HDAC9: variants seen among roughly 807,000 people sequenced by gnomAD.
The protein encoded by HDAC9 is MEF-2 interacting transcription repressor (MITR) protein.
Under a neutral mutation model 139.4 loss-of-function variants are expected in HDAC9, and 41 were observed. That is an observed-to-expected ratio of 0.29 (90% CI 0.23 to 0.38). The LOEUF is 0.38. Ranked by LOEUF, HDAC9 falls within the 10% of genes least tolerant of loss-of-function variation. The probability of loss-of-function intolerance (pLI) is 1.00; values close to 1 mark genes in which losing one functional copy is unlikely to be tolerated. For synonymous variants in HDAC9, 517 were observed against 476.2 expected, an observed-to-expected ratio of 1.09 and a Z score of -1.12; for missense variants, 1,147 against 1,297.0, an observed-to-expected ratio of 0.88 and a Z score of 1.78.
intron 2 of HDAC9, among the ~76,000 whole-genome samples, chr7:18,177,206 G>GGAAGGGAAAT (rs1337516828): frequency 1.3e-5 from 2 of 152,194 alleles, no homozygotes; most frequent in African/African-American, 4.8e-5. Flanking sequence ...TACGTGAGGA[G>GGAAGGGAAAT]GAAGGGAAAT....
chr7:18,830,275 T>A (rs1795764262), intron 19 of HDAC9, among the ~76,000 whole-genome samples: 1 of 152,150 alleles, frequency 6.6e-6, no homozygotes, highest in Non-Finnish European at 1.5e-5. Flanking sequence ...GAGAAGTGAA[T>A]GGTGATTTAT....
intron 24 of HDAC9, among the ~76,000 whole-genome samples, chr7:18,966,099 T>C (rs75983036): frequency 0.027 from 4,118 of 152,348 alleles, 178 homozygotes; most frequent in African/African-American, 0.094. Flanking sequence ...CTTTAGCTTC[T>C]ATCATTGTTT....
At chr7:18,818,987 A>G (rs1277488666) in intron 17 of HDAC9, among the ~76,000 whole-genome samples, 4 of 152,184 alleles carry the variant, frequency 2.6e-5, no homozygotes, top group Non-Finnish European at 5.9e-5. Context: ...AAATTAAAAA[A>G]AAAAATGTCT....
intron 2 of HDAC9, among the ~76,000 whole-genome samples, chr7:18,225,318 A>T (rs1584727914): frequency 6.6e-6 from 1 of 152,164 alleles, no homozygotes; most frequent in Non-Finnish European, 1.5e-5. Flanking sequence ...TTATGAATCT[A>T]AATTTGGAGT....
At chr7:18,298,865 A>C (rs1798330147) in intron 1 of HDAC9, among the ~76,000 whole-genome samples, 1 of 152,208 alleles carries the variant, frequency 6.6e-6, no homozygotes, top group Non-Finnish European at 1.5e-5. Context: ...TTTTATTAAA[A>C]GTTTCATATC....
intron 2 of HDAC9, among the ~76,000 whole-genome samples, chr7:18,266,066 C>T: frequency 6.6e-6 from 1 of 152,050 alleles, no homozygotes; most frequent in East Asian, 1.9e-4. Flanking sequence ...GCTTTTTAAC[C>T]ATGCTTGATA....
chr7:18,118,875 G>C (rs118124174), intron 1 of HDAC9, among the ~76,000 whole-genome samples: 2 of 152,218 alleles, frequency 1.3e-5, no homozygotes, highest in African/African-American at 4.8e-5. Flanking sequence ...AGAAAGGGTA[G>C]TATGGGAAAT....
At chr7:18,264,649 G>T (rs1020651849) in intron 2 of HDAC9, among the ~76,000 whole-genome samples, 1 of 152,110 alleles carries the variant, frequency 6.6e-6, no homozygotes, top group African/African-American at 2.4e-5. Flanking sequence ...AATTTTGAAG[G>T]ATTAACATTC....
At chr7:18,508,490 A>G (rs1487164907) in intron 2 of HDAC9, among the ~76,000 whole-genome samples, 2 of 152,298 alleles carry the variant, frequency 1.3e-5, no homozygotes, top group East Asian at 1.9e-4. Flanking sequence ...TCTGTTTTTC[A>G]TAGAGATCGT....
intron 11 of HDAC9, among the ~76,000 whole-genome samples, 191 bp from the exon 12 acceptor site, chr7:18,666,022 C>G (rs1211037363): frequency 6.6e-6 from 1 of 152,050 alleles, no homozygotes; most frequent in African/African-American, 2.4e-5. Flanking sequence ...TGGACCCATA[C>G]AATATGGAAT....
At chr7:18,553,559 A>G (rs1817797040) in intron 2 of HDAC9, among the ~76,000 whole-genome samples, 2 of 152,222 alleles carry the variant, frequency 1.3e-5, no homozygotes. Context: ...TTCATAACAT[A>G]TTAGGTGTTA....
At chr7:18,825,859 TC>T (rs1218577685) in intron 17 of HDAC9, among the ~76,000 whole-genome samples, 3 of 148,152 alleles carry the variant, frequency 2.0e-5, no homozygotes, top group African/African-American at 4.9e-5. Flanking sequence ...TACACACATA[TC>T]GTATATTATG....
chr7:18,709,950 C>T (rs1010538548), intron 12 of HDAC9, among the ~76,000 whole-genome samples: 1 of 152,170 alleles, frequency 6.6e-6, no homozygotes, highest in African/African-American at 2.4e-5. Context: ...AGTTTGTTCT[C>T]ATGCTGCTGA....
intron 1 of HDAC9, among the ~76,000 whole-genome samples, chr7:18,454,392 G>A (rs1048261571): frequency 7.9e-5 from 12 of 151,884 alleles, no homozygotes; most frequent in African/African-American, 2.7e-4. Flanking sequence ...TACTTTACTT[G>A]GTAATATAAA....
intron 2 of HDAC9, among the ~76,000 whole-genome samples, chr7:18,257,214 C>T (rs1025066249): frequency 2.0e-5 from 3 of 150,598 alleles, no homozygotes; most frequent in Non-Finnish European, 4.4e-5. Flanking sequence ...GTGGTTCACA[C>T]CTGTAATTCC....
chr7:18,199,543 T>C (rs1039506972), intron 2 of HDAC9, among the ~76,000 whole-genome samples: 3 of 151,966 alleles, frequency 2.0e-5, no homozygotes. Context: ...CCTAATGCTT[T>C]GGTAGGCCAA....
intron 1 of HDAC9, among the ~76,000 whole-genome samples, chr7:18,357,609 G>A (rs886264909): frequency 6.6e-6 from 1 of 151,544 alleles, no homozygotes; most frequent in African/African-American, 2.4e-5. Context: ...AGAAAAAAAA[G>A]GTCAGTAAGT....
intron 23 of HDAC9, among the ~76,000 whole-genome samples, chr7:18,945,139 C>T (rs1353509054): frequency 6.6e-6 from 1 of 152,190 alleles, no homozygotes; most frequent in Non-Finnish European, 1.5e-5. Context: ...ACAATTTGTA[C>T]TCCTACCAGT....
At chr7:18,542,360 A>G (rs920213395) in intron 2 of HDAC9, among the ~76,000 whole-genome samples, 2 of 152,288 alleles carry the variant, frequency 1.3e-5, no homozygotes, top group Admixed American at 1.3e-4. Flanking sequence ...AAATACCTTA[A>G]TAAAACCTCC....
Sources: allele counts gnomAD v4.1 joint callset (sites outside exome capture counted in the v4.1 genomes callset), GRCh38; gene constraint gnomAD v4.1.1; transcripts MANE v1.5; gene names NCBI Gene and HGNC (gene_info 2026-07-23, HGNC 2026-07-21).